VMA21: variants seen among roughly 807,000 people sequenced by gnomAD.
The protein encoded by VMA21 is vacuolar ATPase assembly integral membrane protein VMA21.
For missense variants in VMA21, 61 were observed against 80.6 expected, an observed-to-expected ratio of 0.76 and a Z score of 0.93; for synonymous variants, 47 against 34.1, an observed-to-expected ratio of 1.38 and a Z score of -1.32.
At chrX:151,400,623 T>G (rs1380168507) in intron 1 of VMA21, among the ~76,000 whole-genome samples, 1 of 112,380 alleles carries the variant, frequency 8.9e-6, no homozygotes, top group Non-Finnish European at 1.9e-5. Context: ...CTTTAGGAAC[T>G]GTTTTCCATA....
At chrX:151,396,744 A>G (rs1024445863), upstream of VMA21, 16 of 431,773 alleles carry the variant, frequency 3.7e-5, no homozygotes, top group African/African-American at 4.0e-4. Context: ...TAGTGGCGAA[A>G]TAATGCGCAC....
At chrX:151,396,881 C>A (rs1459436908), upstream of VMA21, 2 of 524,612 alleles carry the variant, frequency 3.8e-6, no homozygotes, top group East Asian at 3.6e-5. Flanking sequence ...GCGACCGAGA[C>A]GCAGACGAGG....
Position 151,403,701 on chromosome X carries a change from A to G in VMA21, c.124A>G (p.Ile42Val), listed in dbSNP as rs886619601. 1 of 1,207,826 alleles carries G rather than the reference A, an allele frequency of 8.3e-7. No individual in the cohort carries two copies. Among genetic ancestry groups the G allele is most frequent in the Admixed American group, 2.2e-5 (1 of 46,042 alleles). ...CACAGCTTTAATGATCACTGTTCCTATTGGGTTATATTTCACAACTAAATC... is the reference window on the plus strand; with the variant it reads ...CACAGCTTTAATGATCACTGTTCCTGTTGGGTTATATTTCACAACTAAATC... ...FFTALMITVPIGLYFTTKSYI... is the reference protein window; with the variant it reads ...FFTALMITVPVGLYFTTKSYI... The change falls in exon 2 of 3, where the codon ATT (isoleucine) becomes GTT (valine). Residue 42 changes from isoleucine to valine, a missense_variant. Transcript: ENST00000330374.
rs1266770654 is a variant in VMA21 at position 151,397,260 on chromosome X, C to T, written c.-49C>T. ...CCTCGCGGAGCTTACTGAGCGCGGC[C>T]GCCGAGCCCAGCTCCGCCGCCGAGC... On this transcript the variant is annotated 5_prime_UTR_variant, in exon 1 of 3. Transcript: ENST00000330374. 4.6e-5 allele frequency: 52 copies of T among 1,140,036 alleles called. No individual in the cohort carries two copies. The highest frequency in any genetic ancestry group is 5.7e-5 in the Non-Finnish European group (49 of 860,836). 94.0% of individuals were successfully genotyped at this position (1,140,036 alleles called of 1,213,427 possible).
chrX:151,400,062 T>C (rs2011226143), intron 1 of VMA21, among the ~76,000 whole-genome samples: 1 of 111,263 alleles, frequency 9.0e-6, no homozygotes, highest in Admixed American at 9.5e-5. Context: ...GCTAAAATCT[T>C]ATTTACAAAA....
intron 1 of VMA21, among the ~76,000 whole-genome samples, chrX:151,402,002 A>C (rs191707987): frequency 1.8e-5 from 2 of 110,134 alleles, no homozygotes; most frequent in Non-Finnish European, 3.8e-5. Flanking sequence ...AGCCTTCCCA[A>C]AGTGCTGGGA....
intron 1 of VMA21, among the ~76,000 whole-genome samples, chrX:151,402,347 A>G (rs2011243442): frequency 9.0e-6 from 1 of 111,009 alleles, no homozygotes; most frequent in Admixed American, 9.5e-5. Context: ...ACTCTCAGCT[A>G]ATTTTTGTAT....
intron 2 of VMA21, among the ~76,000 whole-genome samples, chrX:151,404,570 CA>C (rs2011268084): frequency 3.1e-4 from 34 of 110,385 alleles, no homozygotes; most frequent in Admixed American, 3.0e-3. Flanking sequence ...AGGCGCCTGC[CA>C]CTACGCCTGG....
Position 151,403,497 on chromosome X carries a change from G to A in VMA21, c.54-134G>A, listed in dbSNP as rs2011255083. On this transcript the variant is annotated intron_variant, in intron 1 of 2. Coordinates refer to ENST00000330374, the MANE Select transcript of VMA21 (RefSeq NM_001017980.4). ...CCACAGCTGGTTCTCTAGGATCTTC[G>A]GATTACGAGTCCCTGCCTGTGATCT... 10 of 551,852 alleles carry A rather than the reference G, an allele frequency of 1.8e-5. No individual in the cohort carries two copies. The East Asian group carries it at 2.7e-4, about 15-fold the overall frequency. The allele number at this position is 551,852 out of a possible 1,213,427, so 45.5% of individuals were successfully genotyped here.
At chrX:151,397,413 C>A (rs752315880) in intron 1 of VMA21, 52 bp downstream of exon 1, 1 of 1,142,841 alleles carries the variant, frequency 8.8e-7, no homozygotes, top group South Asian at 1.9e-5. Flanking sequence ...CAGCCTGGAG[C>A]AGGGCTTGAG....
chrX:151,397,103 TCGCTGCGGCG>T (rs200484272), upstream of VMA21: 176 of 356,067 alleles, frequency 4.9e-4, no homozygotes, highest in African/African-American at 4.9e-3. Flanking sequence ...CAGCCCTGCG[TCGCTGCGGCG>T]CGCCGCGCCG....
chrX:151,402,316 G>A (rs1428047517), intron 1 of VMA21, among the ~76,000 whole-genome samples: 1 of 111,559 alleles, frequency 9.0e-6, no homozygotes, highest in Non-Finnish European at 1.9e-5. Flanking sequence ...CAAGTAGCTG[G>A]GACTATAGGC....
chrX:151,401,313 C>G (rs1602817883), intron 1 of VMA21, among the ~76,000 whole-genome samples: 1 of 111,532 alleles, frequency 9.0e-6, no homozygotes, highest in African/African-American at 3.3e-5. Context: ...TCTTAACACC[C>G]CTGTCGAAGA....
At chrX:151,400,220 A>AACTACTGTTTT (rs1450574568) in intron 1 of VMA21, among the ~76,000 whole-genome samples, 2 of 104,448 alleles carry the variant, frequency 1.9e-5, no homozygotes, top group Non-Finnish European at 3.9e-5. Context: ...CCGCCATGGT[A>AACTACTGTTTT]ACTACTGTTT....
At position 151,404,934 on chromosome X, in the gene VMA21, A is replaced by G. The variant is rs141926826; in HGVS notation, c.182A>G (p.Asn61Ser). The G allele has an allele frequency of 3.7e-4, 445 of 1,208,466 alleles. No homozygotes were observed. In the African/African-American group the frequency reaches 5.9e-3, roughly 16 times the overall value. The change falls in exon 3 of 3, where the codon AAT becomes AGT. Residue 61 changes from asparagine to serine, a missense_variant. Coordinates refer to ENST00000330374, the MANE Select transcript of VMA21 (RefSeq NM_001017980.4). ...TTGATAGGCGCCCTTGGGATGTCCA[A>G]TAGGGACAGCTATTTTTACGCTGCT... ...YIFEGALGMS[N>S]RDSYFYAAIV...
chrX:151,403,873 A>T (rs181553443), intron 2 of VMA21, 133 bp downstream of exon 2: 829 of 475,459 alleles, frequency 1.7e-3, no homozygotes, highest in Non-Finnish European at 2.6e-3. Context: ...CATATTGCTC[A>T]TAATGAGTCT....
At chrX:151,399,779 CTT>C (rs11287761) in intron 1 of VMA21, among the ~76,000 whole-genome samples, 4 of 107,968 alleles carry the variant, frequency 3.7e-5, no homozygotes, top group African/African-American at 1.0e-4. Context: ...AATATTAGAA[CTT>C]TTTTTTTTAC....
chrX:151,397,151 G>T (rs1372068394), upstream of VMA21: 1 of 478,841 alleles, frequency 2.1e-6, no homozygotes, highest in Non-Finnish European at 3.0e-6. Flanking sequence ...GTGGCCCGCC[G>T]CCCGGCGCGA....
At chrX:151,398,226 A>G in intron 1 of VMA21, among the ~76,000 whole-genome samples, 1 of 103,221 alleles carries the variant, frequency 9.7e-6, no homozygotes, top group African/African-American at 3.6e-5. Flanking sequence ...TCATGAGTAC[A>G]TGCGCAGGTT....
Sources: allele counts gnomAD v4.1 joint callset (sites outside exome capture counted in the v4.1 genomes callset), GRCh38; gene constraint gnomAD v4.1.1; transcripts MANE v1.5; gene names NCBI Gene and HGNC (gene_info 2026-07-23, HGNC 2026-07-21).